Variants in EXTL2 observed in about 807,000 individuals in gnomAD.
EXTL2 encodes the protein exostosin-like 2.
EXTL2 carries 23 observed loss-of-function variants against 30.7 expected under a neutral mutation model. The observed-to-expected ratio is 0.75, with a 90% CI of 0.54 to 1.06. The LOEUF (loss-of-function observed/expected upper bound fraction) is 1.06, where lower values mean the gene tolerates loss of function less well. Ranked by LOEUF, EXTL2 falls within the 50% of genes least tolerant of loss-of-function variation. The pLI is 0.00. For synonymous variants in EXTL2, 123 were observed against 133.8 expected (o/e 0.92, Z 0.56); for missense variants, 352 against 396.3 (o/e 0.89, Z 0.95).
At chr1:100,890,350 C>CTA (rs1650324904) in intron 1 of EXTL2, among the ~76,000 whole-genome samples, 1 of 152,174 alleles carries the variant, frequency 6.6e-6, no homozygotes, top group South Asian at 2.1e-4. Context: ...CCCTCCTACA[C>CTA]CTCTGGGCCT....
chr1:100,886,395 C>T (rs984770070), intron 2 of EXTL2, among the ~76,000 whole-genome samples: 14 of 152,262 alleles, frequency 9.2e-5, no homozygotes, highest in Admixed American at 7.2e-4. Context: ...TTCCATCTGG[C>T]GGACAGGTTG....
intron 2 of EXTL2, among the ~76,000 whole-genome samples, chr1:100,884,139 T>C (rs1649779905): frequency 6.6e-6 from 1 of 152,160 alleles, no homozygotes. Context: ...AAGATTATGT[T>C]CTCTGACTCA....
At chr1:100,889,099 C>T (rs113821323) in intron 1 of EXTL2, among the ~76,000 whole-genome samples, 9,894 of 152,220 alleles carry the variant, frequency 0.065, 445 homozygotes, top group Admixed American at 0.11. Context: ...TAAAGAAATA[C>T]CCCAGACTGG....
At chr1:100,885,936 G>A (rs1461190689) in intron 2 of EXTL2, 1 of 152,080 alleles carries the variant, frequency 6.6e-6, no homozygotes, top group Non-Finnish European at 1.5e-5. Context: ...ATTTAAATTA[G>A]TTTGTGTTAA....
chr1:100,890,346 TAC>T (rs1299139922), intron 1 of EXTL2, among the ~76,000 whole-genome samples: 1 of 152,200 alleles, frequency 6.6e-6, no homozygotes, highest in Admixed American at 6.5e-5. Flanking sequence ...TTTTCCCTCC[TAC>T]ACCTCTGGGC....
intron 4 of EXTL2, among the ~76,000 whole-genome samples, chr1:100,875,941 T>C (rs551965674): frequency 1.3e-5 from 2 of 152,150 alleles, no homozygotes; most frequent in East Asian, 3.9e-4. Flanking sequence ...ATTGTTGATA[T>C]GGAAAAATTT....
At position 100,874,048 on chromosome 1, in the gene EXTL2, C is replaced by G; in HGVS notation, c.887G>C (p.Cys296Ser). 1.2e-6 allele frequency: 2 copies of G among 1,612,970 alleles called. No homozygotes were observed. The highest frequency in any genetic ancestry group is 1.7e-6 in the Non-Finnish European group (2 of 1,179,316). ...ATAGATATTAACAAGCTTATTTATA[C>G]AATAAGACCTCTGCAGAGCGTGCTC... ...RAEHALQRSY[C>S]INKLVNIYDS... The change falls in exon 5 of 5, where the codon TGT becomes TCT. Residue 296 changes from cysteine to serine, a missense_variant. By Grantham distance (112) the Cys-to-Ser change is moderately radical. Coordinates refer to ENST00000370114, the MANE Select transcript of EXTL2 (RefSeq NM_001033025.3).
chr1:100,877,569 G>T lies in EXTL2; in HGVS notation c.340C>A (p.Leu114Ile). ...ATCACAGGGATAGGGTGGGGCCCTA[G>T]AGAATTCCATAATTCATCTGGTGCC... ...EKAPDELWNS[L>I]GPHPIPVIFK... The change falls in exon 3 of 5, where the codon CTA (leucine) becomes ATA (isoleucine). Residue 114 changes from leucine (L) to isoleucine (I), a missense_variant. Coordinates refer to ENST00000370114, the MANE Select transcript of EXTL2 (RefSeq NM_001033025.3). This position sits in a 1 kb window ranked among gnomAD's most constrained non-coding sequence, Gnocchi z 4.1. 1 of 1,613,416 alleles carries T rather than the reference G, an allele frequency of 6.2e-7. No individual in the cohort carries two copies.
In EXTL2 at chr1:100,877,840, C is replaced by T; in HGVS notation, c.69G>A (p.Leu23=). Residue 23 remains leucine (L), a synonymous_variant, in exon 3 of 5, where the codon TTG becomes TTA. Coordinates refer to ENST00000370114, the MANE Select transcript of EXTL2 (RefSeq NM_001033025.3). This position sits in a 1 kb window ranked among gnomAD's most constrained non-coding sequence, Gnocchi z 4.1. ...CCAGTAATAATACGAGGATGACCACCAAAGATAATCGAAGCACTCGAATCC... is the reference window on the plus strand; with the variant it reads ...CCAGTAATAATACGAGGATGACCACTAAAGATAATCGAAGCACTCGAATCC... ...VMGIRVLRLS[L]VVILVLLLVA... 6.2e-7 allele frequency: 1 copy of T among 1,601,624 alleles called. No homozygotes were observed. Among genetic ancestry groups the T allele is most frequent in the South Asian group, 1.1e-5 (1 of 91,050 alleles).
chr1:100,876,876 G>A lies in EXTL2; in HGVS notation c.434-12C>T. ...TACCATCAACACTGCTAAAATGAAA[G>A]GACAAAAATTTAAGTTGAATAGTTC... On this transcript the variant is annotated splice_polypyrimidine_tract_variant and intron_variant, in intron 3 of 4. Transcript: ENST00000370114. The A allele has an allele frequency of 6.3e-7, 1 of 1,598,460 alleles. No homozygotes were observed. Among genetic ancestry groups the A allele is most frequent in the Non-Finnish European group, 8.6e-7 (1 of 1,166,998 alleles).
chr1:100,888,289 A>G (rs1650138013), intron 2 of EXTL2: 1 of 152,604 alleles, frequency 6.6e-6, no homozygotes, highest in Non-Finnish European at 1.5e-5. Context: ...AGGCAGAAGC[A>G]ACCTAAAGGT....
rs1334653214 is a variant in EXTL2 at position 100,888,860 on chromosome 1, T to C, written c.-71-32A>G. 9 of 796,792 alleles carry C rather than the reference T, an allele frequency of 1.1e-5. No homozygotes were observed. The South Asian group carries it at 1.4e-4, about 13-fold the overall frequency. 49.4% of individuals were successfully genotyped at this position (796,792 alleles called of 1,614,324 possible). A position where few individuals can be genotyped will look rare whatever the true frequency, so the allele number is the denominator to read the frequency against. Reference sequence around the variant, plus strand: ...AGATAAATCAAAGAATTTTCTGTGATGTTTCTGTCAGTCAGCAGGAAATTT... The same window carrying C: ...AGATAAATCAAAGAATTTTCTGTGACGTTTCTGTCAGTCAGCAGGAAATTT... On this transcript the variant is annotated intron_variant, in intron 1 of 4. Coordinates refer to ENST00000370114, the MANE Select transcript of EXTL2 (RefSeq NM_001033025.3).
intron 1 of EXTL2, among the ~76,000 whole-genome samples, chr1:100,893,171 A>C (rs1246335101): frequency 1.3e-5 from 2 of 152,232 alleles, no homozygotes; most frequent in Admixed American, 1.3e-4. Flanking sequence ...TAGTTTAAAA[A>C]TGTTCAATAG....
chr1:100,888,835 A>T lies in EXTL2; in HGVS notation c.-71-7T>A. 9.1e-7 allele frequency: 1 copy of T among 1,104,332 alleles called. No individual in the cohort carries two copies. The highest frequency in any genetic ancestry group is 1.3e-6 in the Non-Finnish European group (1 of 783,002). 68.4% of individuals were successfully genotyped at this position (1,104,332 alleles called of 1,614,324 possible). A position where few individuals can be genotyped will look rare whatever the true frequency, so the allele number is the denominator to read the frequency against. On this transcript the variant is annotated splice_polypyrimidine_tract_variant and splice_region_variant and intron_variant, in intron 1 of 4. Transcript: ENST00000370114. ...GAAGCAGGCTCACTTGTCACTATTA[A>T]GATAAATCAAAGAATTTTCTGTGAT... is the stretch of plus-strand genomic sequence containing the variant.
intron 2 of EXTL2, among the ~76,000 whole-genome samples, chr1:100,886,601 C>T (rs1649993876): frequency 6.6e-6 from 1 of 152,168 alleles, no homozygotes; most frequent in Non-Finnish European, 1.5e-5. Context: ...GATCTTATTC[C>T]TTCTCAACAA....
rs540707201 is a variant in EXTL2 at position 100,887,616 on chromosome 1, A to C, written c.5+1137T>G. Among the ~76,000 whole-genome samples, 20 of 152,374 alleles carry C rather than the reference A, an allele frequency of 1.3e-4. 1 individual carries two copies. The East Asian group carries it at 3.1e-3, about 23-fold the overall frequency. Reference sequence around the variant, plus strand: ...AGAAGACATTTGAGATTGAGAATACAGTATTAAAAGATTTTTCCTGAGCCA... The same window carrying C: ...AGAAGACATTTGAGATTGAGAATACCGTATTAAAAGATTTTTCCTGAGCCA... On this transcript the variant is annotated intron_variant, in intron 2 of 4. Coordinates refer to ENST00000370114, the MANE Select transcript of EXTL2 (RefSeq NM_001033025.3).
intron 2 of EXTL2, among the ~76,000 whole-genome samples, chr1:100,888,013 T>C (rs1650114206): frequency 6.6e-6 from 1 of 152,254 alleles, no homozygotes; most frequent in Non-Finnish European, 1.5e-5. Context: ...CATTGTATTT[T>C]CTATGTCTTC....
intron 1 of EXTL2, among the ~76,000 whole-genome samples, chr1:100,893,672 CAAAA>C (rs1283157372): frequency 6.6e-6 from 1 of 152,188 alleles, no homozygotes; most frequent in Admixed American, 6.5e-5. Flanking sequence ...TTGACAATGA[CAAAA>C]GAAGTGAGGC....
intron 4 of EXTL2, among the ~76,000 whole-genome samples, 181 bp downstream of exon 4, chr1:100,876,613 A>G (rs1287508767): frequency 6.6e-6 from 1 of 152,086 alleles, no homozygotes; most frequent in East Asian, 1.9e-4. Context: ...AGATACTATA[A>G]CTTTCAGGAT....
Sources: allele counts gnomAD v4.1 joint callset (sites outside exome capture counted in the v4.1 genomes callset), GRCh38; gene constraint gnomAD v4.1.1; non-coding constraint Gnocchi (gnomAD v3.1); transcripts MANE v1.5; gene names NCBI Gene and HGNC (gene_info 2026-07-23, HGNC 2026-07-21).